RALGAPA1: variants seen among roughly 807,000 people sequenced by gnomAD.
RALGAPA1 encodes ral GTPase-activating protein subunit alpha-1.
In RALGAPA1, 52 loss-of-function variants were observed where a neutral mutation model predicts 269.6. The ratio of observed to expected loss-of-function variants is 0.19; its 90% CI spans 0.15 to 0.24. The LOEUF is 0.24. Among genes scored for constraint, RALGAPA1 ranks in the 10% least tolerant of loss-of-function variants. The pLI is 1.00. For synonymous variants in RALGAPA1, 817 were observed against 1,008.3 expected, an observed-to-expected ratio of 0.81 and a Z score of 3.60; for missense variants, 1,917 against 3,013.9, an observed-to-expected ratio of 0.64 and a Z score of 8.52.
intron 19 of RALGAPA1, among the ~76,000 whole-genome samples, chr14:35,685,365 C>T (rs1317057616): frequency 6.6e-6 from 1 of 151,948 alleles, no homozygotes; most frequent in Admixed American, 6.6e-5. Context: ...GATGCTGGGC[C>T]TGTGACTCTT....
chr14:35,782,284 A>G (rs970352058), intron 1 of RALGAPA1, among the ~76,000 whole-genome samples: 5 of 152,250 alleles, frequency 3.3e-5, no homozygotes, highest in Admixed American at 6.5e-5. Context: ...AGACTTGTAC[A>G]CTGGAAACTA....
intron 1 of RALGAPA1, among the ~76,000 whole-genome samples, chr14:35,780,774 G>A (rs2075370612): frequency 1.3e-5 from 2 of 151,996 alleles, no homozygotes; most frequent in Admixed American, 6.6e-5. Flanking sequence ...TCTGAAAATC[G>A]AACCATAATG....
At position 35,786,918 on chromosome 14, in the gene RALGAPA1, T is replaced by C. The variant is rs189950793; in HGVS notation, c.107-11173A>G. Among the ~76,000 whole-genome samples, 795 of 152,288 alleles carry C rather than the reference T, an allele frequency of 5.2e-3. 2 individuals carry two copies. The highest frequency in any genetic ancestry group is 8.3e-3 in the Non-Finnish European group (568 of 68,024). On this transcript the variant is annotated intron_variant, in intron 1 of 41. Coordinates refer to ENST00000680220, the MANE Select transcript of RALGAPA1 (RefSeq NM_001346249.2). ...GTTTGTGGGACGTACATCTCATATA[T>C]GAGTGTGAAAACCCAATCATCATGC... is the stretch of plus-strand genomic sequence containing the variant.
At chr14:35,728,556 G>A in intron 12 of RALGAPA1, 46 bp from the exon 13 acceptor site, 4 of 1,524,402 alleles carry the variant, frequency 2.6e-6, no homozygotes, top group South Asian at 2.7e-5. Context: ...AATTTCAATG[G>A]CAAATTTCTT....
At chr14:35,545,798 GA>G (rs1249015906) in intron 41 of RALGAPA1, among the ~76,000 whole-genome samples, 2 of 151,850 alleles carry the variant, frequency 1.3e-5, no homozygotes, top group Non-Finnish European at 2.9e-5. Context: ...AGATAATATT[GA>G]AAAGACAATA....
At chr14:35,643,188 G>C (rs530120678) in intron 31 of RALGAPA1, among the ~76,000 whole-genome samples, 5 of 151,958 alleles carry the variant, frequency 3.3e-5, no homozygotes, top group South Asian at 2.1e-4. Context: ...TTCGAGGGGT[G>C]GGGGGAGGCG....
At chr14:35,690,835 T>C (rs2140465348) in intron 17 of RALGAPA1, among the ~76,000 whole-genome samples, 1 of 152,140 alleles carries the variant, frequency 6.6e-6, no homozygotes, top group African/African-American at 2.4e-5. Flanking sequence ...TCTGGGAGGC[T>C]GAGGTGGGCA....
chr14:35,702,893 C>T (rs2067486012), intron 16 of RALGAPA1, among the ~76,000 whole-genome samples: 2 of 151,710 alleles, frequency 1.3e-5, no homozygotes, highest in Admixed American at 1.3e-4. Context: ...GCGCCTGCTA[C>T]CACGCCAGGC....
chr14:35,671,751 T>A (rs114227985), intron 25 of RALGAPA1, among the ~76,000 whole-genome samples: 1,631 of 152,262 alleles, frequency 0.011, 33 homozygotes, highest in African/African-American at 0.037. Flanking sequence ...AATAACAGCA[T>A]TTTTTTCACA....
chr14:35,719,751 T>C lies in RALGAPA1; in HGVS notation c.2266+1937A>G, dbSNP rs550415248. Among the ~76,000 whole-genome samples, 21 of 152,294 alleles carry C rather than the reference T, an allele frequency of 1.4e-4. No individual in the cohort carries two copies. The South Asian group carries it at 2.7e-3, about 20-fold the overall frequency. On this transcript the variant is annotated intron_variant, in intron 16 of 41. Coordinates refer to ENST00000680220, the MANE Select transcript of RALGAPA1 (RefSeq NM_001346249.2). ...AGACTTAAAAGAACAATTTCTTCTT[T>C]TTTTTTGAGACAGAGTCGCCCTCTG... is the stretch of plus-strand genomic sequence containing the variant.
rs923554736 is a variant in RALGAPA1, at chr14:35,809,078, C to T, written c.-243G>A. 1.4e-5 allele frequency: 8 copies of T among 556,860 alleles called. No individual in the cohort carries two copies. The highest frequency in any genetic ancestry group is 1.4e-4 in the African/African-American group (7 of 51,456). The allele number at this position is 556,860 out of a possible 1,614,324, so 34.5% of individuals were successfully genotyped here. On this transcript the variant is annotated 5_prime_UTR_variant, in exon 1 of 42. Coordinates refer to ENST00000680220, the MANE Select transcript of RALGAPA1 (RefSeq NM_001346249.2). ...GCTCCAATATGGCGGATCCCTCTCCCGGCCCTGCACGGAGCGAGGCAGACC... is the reference window on the plus strand; with the variant it reads ...GCTCCAATATGGCGGATCCCTCTCCTGGCCCTGCACGGAGCGAGGCAGACC...
chr14:35,720,253 T>G (rs1165442728), intron 16 of RALGAPA1, among the ~76,000 whole-genome samples: 2 of 152,236 alleles, frequency 1.3e-5, no homozygotes, highest in Non-Finnish European at 1.5e-5. Flanking sequence ...ACAATTAATG[T>G]AATTCTATGC....
intron 39 of RALGAPA1, among the ~76,000 whole-genome samples, chr14:35,559,736 C>T (rs1487449745): frequency 6.6e-6 from 1 of 152,088 alleles, no homozygotes; most frequent in Non-Finnish European, 1.5e-5. Flanking sequence ...GTATTTTTGT[C>T]GTTGTTGCCA....
chr14:35,540,398 G>T (rs573456863), intron 41 of RALGAPA1, among the ~76,000 whole-genome samples: 1 of 152,226 alleles, frequency 6.6e-6, no homozygotes, highest in East Asian at 1.9e-4. Flanking sequence ...ACTTTTGCAG[G>T]TATCTTATTC....
chr14:35,793,917 A>G (rs1008677558), intron 1 of RALGAPA1, among the ~76,000 whole-genome samples: 1 of 152,206 alleles, frequency 6.6e-6, no homozygotes, highest in African/African-American at 2.4e-5. Flanking sequence ...TCCTTAATAA[A>G]CAAAATGTTA....
chr14:35,779,744 G>T (rs1273843017), intron 1 of RALGAPA1, among the ~76,000 whole-genome samples: 2 of 151,966 alleles, frequency 1.3e-5, no homozygotes, highest in African/African-American at 2.4e-5. Flanking sequence ...GACATATTAG[G>T]AGCCAAAGTA....
chr14:35,632,107 G>A (rs892877138), intron 33 of RALGAPA1, among the ~76,000 whole-genome samples: 2 of 152,004 alleles, frequency 1.3e-5, no homozygotes, highest in African/African-American at 4.8e-5. Flanking sequence ...CTAAATTCAG[G>A]ATATATGTCT....
At chr14:35,652,833 T>C (rs986846985) in intron 30 of RALGAPA1, among the ~76,000 whole-genome samples, 35 of 152,340 alleles carry the variant, frequency 2.3e-4, no homozygotes, top group African/African-American at 7.9e-4. Flanking sequence ...TACAGTGTTA[T>C]CATTTACCCT....
intron 16 of RALGAPA1, among the ~76,000 whole-genome samples, chr14:35,716,609 CAA>C (rs1299565543): frequency 6.6e-6 from 1 of 151,858 alleles, no homozygotes; most frequent in African/African-American, 2.4e-5. Context: ...AATCCATATT[CAA>C]AGTTACCAAG....
Sources: gnomAD v4.1 joint callset for allele counts (sites outside exome capture counted in the v4.1 genomes callset) on GRCh38, gnomAD v4.1.1 for gene constraint, MANE v1.5 for transcripts, NCBI Gene and HGNC (gene_info 2026-07-23, HGNC 2026-07-21) for gene names.